MRC1: variants seen among roughly 807,000 people sequenced by gnomAD.
The protein encoded by MRC1 is mannose receptor C-type 1, also known as macrophage mannose receptor 1.
Under a neutral mutation model 102.9 loss-of-function variants are expected in MRC1, and 62 were observed. The ratio of observed to expected loss-of-function variants is 0.60; its 90% CI spans 0.49 to 0.74. MRC1 has a LOEUF of 0.74. Among genes scored for constraint, MRC1 ranks in the 30% least tolerant of loss-of-function variants. MRC1 has a pLI of 0.00. For missense variants in MRC1, 1,237 were observed against 862.8 expected, an observed-to-expected ratio of 1.43 and a Z score of -5.43; for synonymous variants, 457 against 298.4, an observed-to-expected ratio of 1.53 and a Z score of -5.48.
chr10:17,871,159 A>T (rs1833349884), intron 14 of MRC1, among the ~76,000 whole-genome samples: 1 of 152,178 alleles, frequency 6.6e-6, no homozygotes, highest in Non-Finnish European at 1.5e-5. Context: ...ACTAATAATG[A>T]TTAGGCTTCG....
intron 5 of MRC1, 89 bp downstream of exon 5, chr10:17,840,895 A>C: frequency 1.4e-5 from 11 of 776,912 alleles, no homozygotes; most frequent in South Asian, 2.7e-5. Flanking sequence ...TGTTGATCTC[A>C]AAGAGAAGAA....
intron 22 of MRC1, among the ~76,000 whole-genome samples, chr10:17,891,664 T>G (rs1833678132): frequency 6.6e-6 from 1 of 152,052 alleles, no homozygotes; most frequent in Non-Finnish European, 1.5e-5. Flanking sequence ...AAATAGACAT[T>G]TAGTGTGAGG....
chr10:17,841,694 A>G (rs1276756425), intron 5 of MRC1, among the ~76,000 whole-genome samples: 4 of 151,308 alleles, frequency 2.6e-5, no homozygotes, highest in Admixed American at 6.6e-5. Flanking sequence ...GAGGCCTTCT[A>G]TTGGGTATAA....
intron 21 of MRC1, among the ~76,000 whole-genome samples, chr10:17,884,157 C>T (rs1246143577): frequency 6.6e-6 from 1 of 152,032 alleles, no homozygotes; most frequent in Non-Finnish European, 1.5e-5. Context: ...TTTGTAGAGA[C>T]AGGGTGTCGC....
Position 17,846,024 on chromosome 10 carries a change from C to T in MRC1, c.1063+589C>T, listed in dbSNP as rs1838820658. ...TCCTGGGTTCGTGATTCTCCTGCCT[C>T]AGCCTCCCGAGTAGTTGGGATTACA... On this transcript the variant is annotated intron_variant, in intron 6 of 29. Coordinates refer to ENST00000569591, the MANE Select transcript of MRC1 (RefSeq NM_002438.4). Among the ~76,000 whole-genome samples, 3 of 152,200 alleles carry T rather than the reference C, an allele frequency of 2.0e-5. No individual in the cohort carries two copies. The South Asian group carries it at 6.2e-4, about 32-fold the overall frequency.
At chr10:17,891,013 A>T (rs1833664620) in intron 22 of MRC1, among the ~76,000 whole-genome samples, 1 of 151,748 alleles carries the variant, frequency 6.6e-6, no homozygotes, top group Non-Finnish European at 1.5e-5. Context: ...CCTTATGAGA[A>T]TTTAATGTCT....
At chr10:17,837,943 C>G (rs978352169) in intron 4 of MRC1, among the ~76,000 whole-genome samples, 1 of 151,838 alleles carries the variant, frequency 6.6e-6, no homozygotes, top group Non-Finnish European at 1.5e-5. Context: ...GGTTTGATGA[C>G]TCTAATTAAA....
intron 5 of MRC1, among the ~76,000 whole-genome samples, chr10:17,841,308 A>T (rs1009991426): frequency 6.6e-6 from 1 of 152,166 alleles, no homozygotes; most frequent in Non-Finnish European, 1.5e-5. Context: ...GGTATTTGCA[A>T]TATTGCTGTC....
intron 8 of MRC1, among the ~76,000 whole-genome samples, chr10:17,853,596 GTGTGTA>G (rs1399229045): frequency 3.0e-4 from 41 of 138,044 alleles, no homozygotes; most frequent in Middle Eastern, 3.9e-3. Context: ...GTGTGTGTGT[GTGTGTA>G]TATATATATA....
At chr10:17,891,041 TC>T (rs1833665107) in intron 22 of MRC1, among the ~76,000 whole-genome samples, 1 of 151,392 alleles carries the variant, frequency 6.6e-6, no homozygotes, top group African/African-American at 2.4e-5. Flanking sequence ...TGTCCCTGTC[TC>T]CCATTACCCC....
At chr10:17,853,301 A>C (rs1410252830) in intron 8 of MRC1, among the ~76,000 whole-genome samples, 177 bp downstream of exon 8, 1 of 152,206 alleles carries the variant, frequency 6.6e-6, no homozygotes, top group East Asian at 1.9e-4. Context: ...TGTCTAGCAA[A>C]GTCAAATTTT....
At chr10:17,846,518 A>G (rs1838828076) in intron 6 of MRC1, among the ~76,000 whole-genome samples, 1 of 152,216 alleles carries the variant, frequency 6.6e-6, no homozygotes, top group Non-Finnish European at 1.5e-5. Flanking sequence ...GAGATTCAAA[A>G]GATACAACAT....
chr10:17,903,392 CTTT>C (rs35118275), intron 26 of MRC1, among the ~76,000 whole-genome samples: 1 of 88,860 alleles, frequency 1.1e-5, no homozygotes, highest in Non-Finnish European at 2.2e-5. Flanking sequence ...CTTTTTTTTT[CTTT>C]TTTTTTTTTT....
At position 17,832,647 on chromosome 10, in the gene MRC1, A is replaced by G. The variant is rs1006929156; in HGVS notation, c.638-1028A>G. Among the ~76,000 whole-genome samples the G allele has an allele frequency of 8.7e-4, 126 of 145,594 alleles. 6 individuals are homozygous for G. The highest frequency in any genetic ancestry group is 3.0e-3 in the African/African-American group (113 of 37,204). On this transcript the variant is annotated intron_variant, in intron 3 of 29. Transcript: ENST00000569591. ...CTGTCGCCCAGGCTGGAGTGCAGTG[A>G]CGCGATCTCGGCTCACTGCAAGCTC...
intron 12 of MRC1, among the ~76,000 whole-genome samples, chr10:17,867,325 T>C (rs1171318489): frequency 6.9e-6 from 1 of 144,108 alleles, no homozygotes; most frequent in African/African-American, 2.5e-5. Flanking sequence ...CCTTCCTTCT[T>C]CTTCTTCTTC....
chr10:17,893,667 C>T (rs1263050648), intron 22 of MRC1, among the ~76,000 whole-genome samples: 1 of 152,160 alleles, frequency 6.6e-6, no homozygotes, highest in Non-Finnish European at 1.5e-5. Context: ...CAAACACATT[C>T]ACAACCAAAC....
At chr10:17,840,422 G>C (rs1290862923) in intron 4 of MRC1, among the ~76,000 whole-genome samples, 1 of 152,086 alleles carries the variant, frequency 6.6e-6, no homozygotes, top group Non-Finnish European at 1.5e-5. Flanking sequence ...AAGATGATGG[G>C]GTTTGAAGCC....
At chr10:17,844,439 C>G (rs960520195) in intron 5 of MRC1, among the ~76,000 whole-genome samples, 1 of 152,046 alleles carries the variant, frequency 6.6e-6, no homozygotes, top group African/African-American at 2.4e-5. Context: ...AGGCTGATCT[C>G]GAATTCCTGA....
Position 17,911,024 on chromosome 10 carries a change from T to C in MRC1, c.*559T>C, listed in dbSNP as rs1254492005. Reference sequence around the variant, plus strand: ...TTTCCCCCAAGAGAGTTTTACAGGCTGAGTGTTGCAAATGTGTTCTTTGTC... The same window carrying C: ...TTTCCCCCAAGAGAGTTTTACAGGCCGAGTGTTGCAAATGTGTTCTTTGTC... On this transcript the variant is annotated 3_prime_UTR_variant, in exon 30 of 30. Coordinates refer to ENST00000569591, the MANE Select transcript of MRC1 (RefSeq NM_002438.4). 6.1e-6 allele frequency: 1 copy of C among 164,284 alleles called. No individual in the cohort carries two copies. Among genetic ancestry groups the C allele is most frequent in the Non-Finnish European group, 1.3e-5 (1 of 74,342 alleles). The allele number at this position is 164,284 out of a possible 1,614,324, so 10.2% of individuals were successfully genotyped here.
Sources: gnomAD v4.1 joint callset for allele counts (sites outside exome capture counted in the v4.1 genomes callset) on GRCh38, gnomAD v4.1.1 for gene constraint, MANE v1.5 for transcripts, NCBI Gene and HGNC (gene_info 2026-07-23, HGNC 2026-07-21) for gene names.